Variants in PSMD14 observed in about 807,000 individuals in gnomAD.
The protein encoded by PSMD14 is proteasome 26S subunit, non-ATPase 14, also known as ubiquitin C-terminal hydrolase PSMD14.
PSMD14 carries 7 observed loss-of-function variants against 41.2 expected under a neutral mutation model. That is an observed-to-expected ratio of 0.17 (90% confidence interval 0.10 to 0.32). The LOEUF is 0.32. Among genes scored for constraint, PSMD14 ranks in the 10% least tolerant of loss-of-function variants. The probability of loss-of-function intolerance (pLI) is 1.00; values close to 1 mark genes in which losing one functional copy is unlikely to be tolerated. For missense variants in PSMD14, 139 were observed against 375.6 expected, an observed-to-expected ratio of 0.37 and a Z score of 5.21; for synonymous variants, 114 against 122.3, an observed-to-expected ratio of 0.93 and a Z score of 0.45.
chr2:161,365,046 C>T (rs1255701866), intron 3 of PSMD14, among the ~76,000 whole-genome samples: 1 of 152,130 alleles, frequency 6.6e-6, no homozygotes, highest in Non-Finnish European at 1.5e-5. Flanking sequence ...GCAGTGGTTG[C>T]AGTGAGCCAA....
intron 10 of PSMD14, among the ~76,000 whole-genome samples, chr2:161,396,919 C>T (rs895224836): frequency 2.0e-5 from 3 of 152,106 alleles, no homozygotes; most frequent in African/African-American, 4.8e-5. Flanking sequence ...CATCTGTCTC[C>T]TGTGTTCAAG....
chr2:161,327,981 T>TGTGTGTGTGTGA (rs1268803464), intron 3 of PSMD14, among the ~76,000 whole-genome samples: 181 of 149,020 alleles, frequency 1.2e-3, no homozygotes, highest in African/African-American at 4.4e-3. Context: ...TGTGTGTGTG[T>TGTGTGTGTGTGA]GTGAGATGTT....
At chr2:161,393,627 AT>A (rs1482763627) in intron 9 of PSMD14, among the ~76,000 whole-genome samples, 9 of 152,184 alleles carry the variant, frequency 5.9e-5, no homozygotes, top group Admixed American at 5.9e-4. Flanking sequence ...ACATCTTCAG[AT>A]TCTTATGGCT....
intron 10 of PSMD14, among the ~76,000 whole-genome samples, chr2:161,398,043 A>G (rs1239745851): frequency 6.6e-6 from 1 of 152,184 alleles, no homozygotes; most frequent in East Asian, 1.9e-4. Flanking sequence ...CCAGGAAATA[A>G]CCTATTTATG....
At position 161,323,041 on chromosome 2, in the gene PSMD14, T is replaced by A. The variant is rs554938821; in HGVS notation, c.48+4168T>A. Among the ~76,000 whole-genome samples, 43 of 152,322 alleles carry A rather than the reference T, an allele frequency of 2.8e-4. 2 individuals are homozygous for A. In the South Asian group the frequency reaches 8.7e-3, roughly 31 times the overall value. ...CTGTATCCAAAAACCAAAACTCTAC[T>A]GCATACTGCCATTAAACCTTTTCTT... On this transcript the variant is annotated intron_variant, in intron 3 of 11. Coordinates refer to ENST00000409682, the MANE Select transcript of PSMD14 (RefSeq NM_005805.6).
intron 10 of PSMD14, among the ~76,000 whole-genome samples, chr2:161,404,813 C>G (rs1244289625): frequency 6.6e-6 from 1 of 152,160 alleles, no homozygotes; most frequent in Non-Finnish European, 1.5e-5. Flanking sequence ...CGTGGTTCCC[C>G]TGACTTTTTG....
chr2:161,364,983 T>G (rs560758363), intron 3 of PSMD14, among the ~76,000 whole-genome samples: 1 of 152,164 alleles, frequency 6.6e-6, no homozygotes, highest in East Asian at 1.9e-4. Flanking sequence ...ATGCCCCTTG[T>G]AATCCCAGCA....
intron 3 of PSMD14, among the ~76,000 whole-genome samples, chr2:161,321,005 C>T (rs1253237472): frequency 1.3e-5 from 2 of 152,158 alleles, no homozygotes; most frequent in Admixed American, 6.5e-5. Context: ...GGATTACAGG[C>T]GTGAGCCACT....
At chr2:161,321,550 C>G (rs554745226) in intron 3 of PSMD14, among the ~76,000 whole-genome samples, 1 of 152,268 alleles carries the variant, frequency 6.6e-6, no homozygotes, top group Non-Finnish European at 1.5e-5. Flanking sequence ...TAAAGGCTCA[C>G]TTCTCCACAG....
chr2:161,402,913 G>A (rs962885303), intron 10 of PSMD14, among the ~76,000 whole-genome samples: 1 of 152,130 alleles, frequency 6.6e-6, no homozygotes, highest in Non-Finnish European at 1.5e-5. Context: ...AATAACAAGT[G>A]TTGCCAAGGG....
chr2:161,357,086 TTTAGCAC>T (rs1275121695), intron 3 of PSMD14, among the ~76,000 whole-genome samples: 1 of 150,264 alleles, frequency 6.7e-6, no homozygotes, highest in Non-Finnish European at 1.5e-5. Context: ...CTTTTTTTTT[TTTAGCAC>T]TTAGTCAACA....
At chr2:161,377,417 T>G (rs187884460) in intron 7 of PSMD14, among the ~76,000 whole-genome samples, 2 of 151,918 alleles carry the variant, frequency 1.3e-5, no homozygotes, top group African/African-American at 4.8e-5. Flanking sequence ...GTTTGAAGTT[T>G]TATAACACTC....
chr2:161,321,936 A>G (rs1415675630), intron 3 of PSMD14, among the ~76,000 whole-genome samples: 9 of 152,184 alleles, frequency 5.9e-5, no homozygotes, highest in Non-Finnish European at 7.3e-5. Flanking sequence ...GACTCGGCAT[A>G]CATGAGCTTG....
At chr2:161,309,607 C>T (rs1559034619) in intron 1 of PSMD14, among the ~76,000 whole-genome samples, 1 of 152,142 alleles carries the variant, frequency 6.6e-6, no homozygotes, top group Non-Finnish European at 1.5e-5. Context: ...CGTAAGGCTA[C>T]CTACCAGCTG....
chr2:161,316,816 A>G (rs1031147829), intron 2 of PSMD14, among the ~76,000 whole-genome samples: 3 of 152,146 alleles, frequency 2.0e-5, no homozygotes, highest in African/African-American at 7.2e-5. Context: ...TTGCTGTGAT[A>G]TCTAATTTTG....
intron 3 of PSMD14, among the ~76,000 whole-genome samples, chr2:161,320,159 G>A (rs990697481): frequency 2.0e-5 from 3 of 152,166 alleles, no homozygotes; most frequent in Non-Finnish European, 4.4e-5. Flanking sequence ...TGAGAAGTGA[G>A]CAGAGGTGGT....
intron 10 of PSMD14, chr2:161,408,516 C>T: frequency 3.2e-6 from 1 of 307,902 alleles, no homozygotes; most frequent in Non-Finnish European, 6.3e-6. Context: ...CCGTAAGTGC[C>T]ACCTCAGGTA....
At chr2:161,404,662 G>T (rs1026212809) in intron 10 of PSMD14, among the ~76,000 whole-genome samples, 3 of 152,110 alleles carry the variant, frequency 2.0e-5, no homozygotes, top group African/African-American at 4.8e-5. Context: ...GCTGTTTCCA[G>T]CTTGTTAAAA....
chr2:161,354,492 G>A (rs1683166081), intron 3 of PSMD14, among the ~76,000 whole-genome samples: 1 of 49,922 alleles, frequency 2.0e-5, no homozygotes, highest in South Asian at 7.5e-4. Flanking sequence ...AAAGGTAGTC[G>A]AGCATTGTGC....
Sources: gnomAD v4.1 joint callset for allele counts (sites outside exome capture counted in the v4.1 genomes callset) on GRCh38, gnomAD v4.1.1 for gene constraint, MANE v1.5 for transcripts, NCBI Gene and HGNC (gene_info 2026-07-23, HGNC 2026-07-21) for gene names.